DNM3: variants seen among roughly 807,000 people sequenced by gnomAD.
The protein encoded by DNM3 is dynamin 3.
DNM3 carries 47 observed loss-of-function variants against 101.6 expected under a neutral mutation model. That is an observed-to-expected ratio of 0.46 (90% CI 0.37 to 0.59). The LOEUF (loss-of-function observed/expected upper bound fraction) is 0.59. Ranked by LOEUF, DNM3 falls within the 20% of genes least tolerant of loss-of-function variation. The pLI, the probability that DNM3 is intolerant of heterozygous loss-of-function variation, is 0.00. For synonymous variants in DNM3, 385 were observed against 387.9 expected, an observed-to-expected ratio of 0.99 and a Z score of 0.09; for missense variants, 849 against 1,085.7, an observed-to-expected ratio of 0.78 and a Z score of 3.06.
Position 172,032,420 on chromosome 1 carries a change from T to G in DNM3, c.608T>G (p.Val203Gly), listed in dbSNP as rs2125799978. ...VDPQGLRTIG[V>G]ITKLDLMDEG... ...GATGCAGGTCTGAGAACCATTGGAG[T>G]TATCACCAAACTGGACCTTATGGAT... The change falls in exon 5 of 21, where the codon GTT becomes GGT. Residue 203 changes from valine to glycine, a missense_variant. Coordinates refer to ENST00000627582, the MANE Select transcript of DNM3 (RefSeq NM_015569.5). 1 of 1,612,992 alleles carries G rather than the reference T, an allele frequency of 6.2e-7. No individual in the cohort carries two copies. The highest frequency in any genetic ancestry group is 2.2e-5 in the East Asian group (1 of 44,856).
rs921323867 is a variant in DNM3, at chr1:172,063,562, A to T, written c.1336-5257A>T. Among the ~76,000 whole-genome samples, 3 of 152,050 alleles carry T rather than the reference A, an allele frequency of 2.0e-5. No homozygotes were observed. The East Asian group carries it at 5.8e-4, about 29-fold the overall frequency. ...CTTGAATTAAATATTGAAGGTTTTG[A>T]TTCCTAAAGTCGTGTATATTATATT... is the stretch of plus-strand genomic sequence containing the variant. On this transcript the variant is annotated intron_variant, in intron 10 of 20. Coordinates refer to ENST00000627582, the MANE Select transcript of DNM3 (RefSeq NM_015569.5).
chr1:172,097,876 G>A (rs1203941865), intron 13 of DNM3, among the ~76,000 whole-genome samples: 2 of 152,124 alleles, frequency 1.3e-5, no homozygotes, highest in East Asian at 1.9e-4. Flanking sequence ...GGCAGGTTCT[G>A]TGATGCCCCC....
intron 10 of DNM3, among the ~76,000 whole-genome samples, chr1:172,059,158 C>T (rs1336861272): frequency 2.0e-5 from 3 of 150,674 alleles, no homozygotes; most frequent in African/African-American, 7.3e-5. Context: ...GAAGTTGAAT[C>T]TCTGAATAGA....
At chr1:172,088,803 A>G (rs1351856055) in intron 12 of DNM3, among the ~76,000 whole-genome samples, 2 of 152,342 alleles carry the variant, frequency 1.3e-5, no homozygotes, top group East Asian at 3.9e-4. Flanking sequence ...TTACAATGGT[A>G]TAGGATTTAT....
intron 17 of DNM3, among the ~76,000 whole-genome samples, chr1:172,345,497 T>C (rs1476542986): frequency 1.3e-5 from 2 of 152,228 alleles, no homozygotes; most frequent in Non-Finnish European, 2.9e-5. Context: ...TCATTCTTTT[T>C]ATTGATGTGA....
intron 6 of DNM3, among the ~76,000 whole-genome samples, chr1:172,036,222 T>C (rs980930566): frequency 7.1e-6 from 1 of 141,572 alleles, no homozygotes; most frequent in African/African-American, 2.7e-5. Context: ...GTTCTCATTG[T>C]TCAATTCCCA....
chr1:172,068,924 T>G lies in DNM3; in HGVS notation c.1422+19T>G. On this transcript the variant is annotated intron_variant, in intron 11 of 20. Coordinates refer to ENST00000627582, the MANE Select transcript of DNM3 (RefSeq NM_015569.5). ...GGACCAGGTAAAGAGAGGTCTTCCC[T>G]GGTGGGCAGGGAGATTGTGGGAGGT... is the stretch of plus-strand genomic sequence containing the variant. 2 of 1,552,254 alleles carry G rather than the reference T, an allele frequency of 1.3e-6. No homozygotes were observed. Among genetic ancestry groups the G allele is most frequent in the Non-Finnish European group, 1.7e-6 (2 of 1,146,852 alleles).
At chr1:172,014,481 T>C (rs980955298) in intron 4 of DNM3, among the ~76,000 whole-genome samples, 1 of 152,172 alleles carries the variant, frequency 6.6e-6, no homozygotes, top group Non-Finnish European at 1.5e-5. Context: ...TTTGTGGATC[T>C]TAGCCATTCT....
chr1:172,085,274 A>T (rs2053451144), intron 12 of DNM3, among the ~76,000 whole-genome samples: 2 of 152,000 alleles, frequency 1.3e-5, no homozygotes, highest in South Asian at 4.1e-4. Context: ...TAAATTACAT[A>T]TATTTTTACA....
At chr1:172,235,881 A>T (rs2061523497) in intron 14 of DNM3, among the ~76,000 whole-genome samples, 1 of 152,160 alleles carries the variant, frequency 6.6e-6, no homozygotes, top group Non-Finnish European at 1.5e-5. Context: ...GCATTAGGAG[A>T]TATACCTAAT....
At chr1:171,982,129 TATAAG>T (rs1025838895) in intron 2 of DNM3, among the ~76,000 whole-genome samples, 4 of 152,204 alleles carry the variant, frequency 2.6e-5, no homozygotes, top group Non-Finnish European at 5.9e-5. Context: ...ATCTCAAAAC[TATAAG>T]ATGAGATTGT....
intron 13 of DNM3, among the ~76,000 whole-genome samples, chr1:172,121,789 AT>A (rs1199510776): frequency 6.6e-6 from 1 of 152,168 alleles, no homozygotes; most frequent in African/African-American, 2.4e-5. Flanking sequence ...AAAGTTATTA[AT>A]TTTTTGGCAG....
At chr1:172,282,726 T>A (rs1351380230) in intron 15 of DNM3, among the ~76,000 whole-genome samples, 2 of 152,234 alleles carry the variant, frequency 1.3e-5, no homozygotes, top group Non-Finnish European at 2.9e-5. Context: ...GTTAAACCAC[T>A]GTGATGCTGG....
intron 14 of DNM3, among the ~76,000 whole-genome samples, chr1:172,182,389 A>G (rs1433135029): frequency 6.6e-6 from 1 of 152,130 alleles, no homozygotes; most frequent in Non-Finnish European, 1.5e-5. Flanking sequence ...AATATTTTGC[A>G]GGTTGATGTC....
chr1:172,163,307 T>G (rs1014138783), intron 14 of DNM3, among the ~76,000 whole-genome samples: 2 of 151,494 alleles, frequency 1.3e-5, no homozygotes, highest in African/African-American at 4.9e-5. Flanking sequence ...GGTGTGATCT[T>G]GGCTCACTGC....
At chr1:172,341,227 GA>G (rs1186725086) in intron 17 of DNM3, among the ~76,000 whole-genome samples, 2 of 152,042 alleles carry the variant, frequency 1.3e-5, no homozygotes, top group Non-Finnish European at 2.9e-5. Context: ...CTGCTAAAAG[GA>G]ATCAGAGATG....
intron 2 of DNM3, among the ~76,000 whole-genome samples, chr1:171,948,334 G>C (rs1221808416): frequency 1.3e-5 from 2 of 152,170 alleles, no homozygotes; most frequent in African/African-American, 4.8e-5. Flanking sequence ...AATGTATAAT[G>C]GATAGGGAAA....
intron 2 of DNM3, among the ~76,000 whole-genome samples, chr1:171,950,875 A>G (rs1390682985): frequency 6.6e-6 from 1 of 152,186 alleles, no homozygotes; most frequent in Non-Finnish European, 1.5e-5. Flanking sequence ...ATATGTGTCC[A>G]TATGCCATAT....
intron 14 of DNM3, among the ~76,000 whole-genome samples, chr1:172,247,463 A>G (rs982192182): frequency 2.6e-5 from 4 of 152,102 alleles, no homozygotes; most frequent in African/African-American, 7.2e-5. Flanking sequence ...CCTGTTTGTA[A>G]TTTGATTATT....
Sources: gnomAD v4.1 joint callset for allele counts (sites outside exome capture counted in the v4.1 genomes callset) on GRCh38, gnomAD v4.1.1 for gene constraint, MANE v1.5 for transcripts, NCBI Gene and HGNC (gene_info 2026-07-23, HGNC 2026-07-21) for gene names.